Variants in ABTB2 observed in about 807,000 individuals in gnomAD.
The protein encoded by ABTB2 is ankyrin repeat and BTB domain containing 2.
ABTB2 carries 56 observed loss-of-function variants against 104.1 expected under a neutral mutation model. The observed-to-expected ratio is 0.54, with a 90% CI of 0.43 to 0.67. ABTB2 has a LOEUF of 0.67. ABTB2 is among the 30% of genes least tolerant of loss of function. The pLI is 0.00. For missense variants in ABTB2, 1,279 were observed against 1,407.7 expected (o/e 0.91, Z 1.46); for synonymous variants, 606 against 608.2 (o/e 1.00, Z 0.05).
chr11:34,177,558 T>G (rs191652225), intron 3 of ABTB2, among the ~76,000 whole-genome samples: 110 of 151,616 alleles, frequency 7.3e-4, no homozygotes, highest in Middle Eastern at 3.4e-3. Context: ...AAACTGAGGG[T>G]TTTTTTTTCC....
Position 34,311,088 on chromosome 11 carries a change from G to A in ABTB2, c.883+45613C>T, listed in dbSNP as rs1854847220. Among the ~76,000 whole-genome samples the A allele has an allele frequency of 3.9e-5, 6 of 152,246 alleles. No homozygotes were observed. The South Asian group carries it at 8.3e-4, about 21-fold the overall frequency. On this transcript the variant is annotated intron_variant, in intron 1 of 16. Coordinates refer to ENST00000435224, the MANE Select transcript of ABTB2 (RefSeq NM_145804.3). ...ACTGCCTTCAGTTTCTGACCTTCTTGGCCTTGGGAGAAGAGGCGGCTCCTC... is the reference window on the plus strand; with the variant it reads ...ACTGCCTTCAGTTTCTGACCTTCTTAGCCTTGGGAGAAGAGGCGGCTCCTC...
chr11:34,248,114 A>ATTTTTT (rs1363625721), intron 1 of ABTB2, among the ~76,000 whole-genome samples: 1 of 126,328 alleles, frequency 7.9e-6, no homozygotes, highest in African/African-American at 3.1e-5. Context: ...AAAAAAAAAA[A>ATTTTTT]AAAAAAAACA....
Position 34,197,433 on chromosome 11 carries a change from C to T in ABTB2, c.1136G>A (p.Trp379Ter). 6.2e-7 allele frequency: 1 copy of T among 1,606,204 alleles called. No homozygotes were observed. The highest frequency in any genetic ancestry group is 8.5e-7 in the Non-Finnish European group (1 of 1,174,984). The change falls in exon 3 of 17, where the codon TGG becomes TAG. Residue 379 changes from tryptophan to a stop codon, truncating the protein, a stop_gained. Coordinates refer to ENST00000435224, the MANE Select transcript of ABTB2 (RefSeq NM_145804.3). LOFTEE classifies it high-confidence loss of function. The stretch of plus-strand genomic sequence containing the variant: ...GAGCGTGTGGAGGGCGTCGGGGGAC[C>T]AAGTGATGGGCTGTGGCGGCTGGCG... ...QARQPPQPIT[W>*]SPDALHTLYY... is the part of the protein sequence containing the mutation.
intron 1 of ABTB2, among the ~76,000 whole-genome samples, chr11:34,300,922 C>T (rs1326383376): frequency 6.6e-6 from 1 of 152,180 alleles, no homozygotes; most frequent in Non-Finnish European, 1.5e-5. Context: ...ATACATCCAT[C>T]CACCCAATTT....
intron 4 of ABTB2, 79 bp downstream of exon 4, chr11:34,173,076 C>G: frequency 1.9e-6 from 3 of 1,581,330 alleles, no homozygotes; most frequent in Non-Finnish European, 1.7e-6. Flanking sequence ...GCCCAGCCAT[C>G]TGGGGAAGAA....
At chr11:34,211,890 G>A (rs1213250599) in intron 1 of ABTB2, among the ~76,000 whole-genome samples, 1 of 126,932 alleles carries the variant, frequency 7.9e-6, no homozygotes, top group Non-Finnish European at 1.6e-5. Context: ...GTGACAGAGT[G>A]AGACCCTGTC....
At chr11:34,212,332 C>T (rs1853491261) in intron 1 of ABTB2, among the ~76,000 whole-genome samples, 1 of 152,190 alleles carries the variant, frequency 6.6e-6, no homozygotes, top group Non-Finnish European at 1.5e-5. Context: ...GCTGGGATTA[C>T]AGGCATGAGC....
intron 1 of ABTB2, among the ~76,000 whole-genome samples, chr11:34,265,452 G>A (rs565439188): frequency 6.6e-6 from 1 of 152,028 alleles, no homozygotes; most frequent in South Asian, 2.1e-4. Flanking sequence ...CCTGAGGCTG[G>A]GAGTTTCAGA....
chr11:34,202,123 T>G (rs1853348602), intron 2 of ABTB2, among the ~76,000 whole-genome samples: 1 of 152,206 alleles, frequency 6.6e-6, no homozygotes, highest in African/African-American at 2.4e-5. Flanking sequence ...GATAAACTAT[T>G]CGTAAGTAAA....
rs1852597333 is a variant in ABTB2 at position 34,154,704 on chromosome 11, C to T, written c.2763G>A (p.Leu921=). 2.5e-6 allele frequency: 4 copies of T among 1,614,196 alleles called. No homozygotes were observed. Among genetic ancestry groups the T allele is most frequent in the East Asian group, 4.5e-5 (2 of 44,876 alleles). The change falls in exon 15 of 17, where the codon CTG becomes CTA. Residue 921 remains leucine, a synonymous_variant. Transcript: ENST00000435224. The surrounding 1 kb of genome is among the most constrained non-coding windows in gnomAD (Gnocchi z 4.9). ...ESMEIPTTDI[L]ELLSAASLFQ... The stretch of plus-strand genomic sequence containing the variant: ...CTCCCCCTCTCCCGAGTCTCACCTC[C>T]AGGATGTCAGTGGTGGGGATCTCCA...
chr11:34,247,598 G>C lies in ABTB2; in HGVS notation c.884-42908C>G, dbSNP rs139143722. 3.9e-4 allele frequency among the ~76,000 whole-genome samples: 59 copies of C among 152,302 alleles called. 1 individual carries two copies. The South Asian group carries it at 3.9e-3, about 10-fold the overall frequency. Reference sequence around the variant, plus strand: ...GATTTATATTTTCAATTTACAATGGGCTTATCTGGACATAACCCCATCTTA... The same window carrying C: ...GATTTATATTTTCAATTTACAATGGCCTTATCTGGACATAACCCCATCTTA... On this transcript the variant is annotated intron_variant, in intron 1 of 16. Coordinates refer to ENST00000435224, the MANE Select transcript of ABTB2 (RefSeq NM_145804.3).
chr11:34,227,286 G>GA (rs55966959), intron 1 of ABTB2, among the ~76,000 whole-genome samples: 144 of 125,126 alleles, frequency 1.2e-3, no homozygotes, highest in Middle Eastern at 8.8e-3. Context: ...AAAAAAAAAA[G>GA]AAAAAAAAAA....
At chr11:34,195,075 C>CGGTGGGGGG (rs1554982289) in intron 3 of ABTB2, among the ~76,000 whole-genome samples, 1 of 18,066 alleles carries the variant, frequency 5.5e-5, no homozygotes, top group Admixed American at 6.6e-4. Context: ...AGATGCCCGG[C>CGGTGGGGGG]GGGGGGGGGG....
At chr11:34,241,787 A>G (rs1853919513) in intron 1 of ABTB2, among the ~76,000 whole-genome samples, 2 of 152,236 alleles carry the variant, frequency 1.3e-5, no homozygotes, top group Admixed American at 1.3e-4. Flanking sequence ...GATAGAATGT[A>G]AAATTGGTTA....
intron 1 of ABTB2, among the ~76,000 whole-genome samples, chr11:34,348,472 G>A (rs1007505522): frequency 2.6e-5 from 4 of 151,994 alleles, no homozygotes; most frequent in Admixed American, 2.6e-4. Flanking sequence ...CATATGCGTT[G>A]GCTTCCAGGT....
chr11:34,221,635 T>A (rs1338590064), intron 1 of ABTB2, among the ~76,000 whole-genome samples: 1 of 152,188 alleles, frequency 6.6e-6, no homozygotes, highest in East Asian at 1.9e-4. Flanking sequence ...CTAGCCCTCA[T>A]TCAGCTTGAA....
rs1854377294 is a variant in ABTB2, at chr11:34,275,952, G to GTGA, written c.884-71263_884-71262insTCA. Among the ~76,000 whole-genome samples the GTGA allele has an allele frequency of 4.6e-5, 7 of 152,304 alleles. No homozygotes were observed. In the South Asian group the frequency reaches 1.5e-3, roughly 32 times the overall value. On this transcript the variant is annotated intron_variant, in intron 1 of 16. Transcript: ENST00000435224. ...CTGGAAGTCACACAACAGGGCCATT[G>GTGA]CTAGACGGTAGAGAGGCTCCAATCA...
intron 1 of ABTB2, among the ~76,000 whole-genome samples, chr11:34,310,091 G>C (rs1328927383): frequency 1.3e-5 from 2 of 152,164 alleles, no homozygotes; most frequent in Non-Finnish European, 2.9e-5. Context: ...CATCTAAAAG[G>C]GGGAGGAGCA....
Position 34,151,522 on chromosome 11 carries a change from G to C in ABTB2, c.*865C>G, listed in dbSNP as rs566782838. 11 of 152,236 alleles carry C rather than the reference G, an allele frequency of 7.2e-5. No homozygotes were observed. Among genetic ancestry groups the C allele is most frequent in the African/African-American group, 2.6e-4 (11 of 41,512 alleles). The allele number at this position is 152,236 out of a possible 1,614,324, so 9.4% of individuals were successfully genotyped here. On this transcript the variant is annotated 3_prime_UTR_variant, in exon 17 of 17. Coordinates refer to ENST00000435224, the MANE Select transcript of ABTB2 (RefSeq NM_145804.3). ...CTTGACCAGGGGACTCTGCTTCATC[G>C]CCCCCACAAAGGCAACCTAGTCTAG...
Sources: allele counts gnomAD v4.1 joint callset (sites outside exome capture counted in the v4.1 genomes callset), GRCh38; gene constraint gnomAD v4.1.1; non-coding constraint Gnocchi (gnomAD v3.1); transcripts MANE v1.5; gene names NCBI Gene and HGNC (gene_info 2026-07-23, HGNC 2026-07-21).